The following PIEZO1 variants were observed in gnomAD, a reference collection of about 807,000 sequenced individuals.
The protein encoded by PIEZO1 is piezo-type mechanosensitive ion channel component 1.
In PIEZO1, 296 loss-of-function variants were observed where a neutral mutation model predicts 297.2. The observed-to-expected ratio is 1.00, with a 90% CI of 0.91 to 1.10. PIEZO1 has a LOEUF of 1.10. Ranked by LOEUF, PIEZO1 falls within the 50% of genes least tolerant of loss-of-function variation. The pLI is 0.00. For missense variants in PIEZO1, 5,018 were observed against 3,455.5 expected (o/e 1.45, Z -11.34); for synonymous variants, 2,427 against 1,507.5 (o/e 1.61, Z -14.13).
In PIEZO1 at chr16:88,755,957, G is replaced by A. The variant is rs551620282; in HGVS notation, c.65-6478C>T. Reference sequence around the variant, plus strand: ...CCAGCACAGGGCAGAGCCTCGGAGCGGGGAGGGCGGGGGCCACCCAGGAGC... The same window carrying A: ...CCAGCACAGGGCAGAGCCTCGGAGCAGGGAGGGCGGGGGCCACCCAGGAGC... On this transcript the variant is annotated intron_variant, in intron 1 of 50. Coordinates refer to ENST00000301015, the MANE Select transcript of PIEZO1 (RefSeq NM_001142864.4). 4.6e-5 allele frequency among the ~76,000 whole-genome samples: 7 copies of A among 152,176 alleles called. No individual in the cohort carries two copies. The East Asian group carries it at 7.7e-4, about 17-fold the overall frequency.
chr16:88,770,021 CCT>C (rs1206700072), intron 1 of PIEZO1, among the ~76,000 whole-genome samples: 3 of 152,184 alleles, frequency 2.0e-5, no homozygotes, highest in South Asian at 2.1e-4. Flanking sequence ...CGCCTCTGCC[CCT>C]GAGAGAGGAA....
At chr16:88,778,098 G>A (rs1018560466) in intron 1 of PIEZO1, among the ~76,000 whole-genome samples, 1 of 152,190 alleles carries the variant, frequency 6.6e-6, no homozygotes, top group Admixed American at 6.5e-5. Flanking sequence ...ACACGGGAGG[G>A]AGGGCGGACA....
intron 12 of PIEZO1, 89 bp from the exon 13 acceptor site, chr16:88,735,335 GC>G (rs1905139004): frequency 3.3e-6 from 3 of 914,364 alleles, no homozygotes; most frequent in Non-Finnish European, 5.2e-6. Flanking sequence ...ATAGCAGGGG[GC>G]AAGAGCTCTC....
At chr16:88,719,247 C>A in intron 44 of PIEZO1, 1 of 311,384 alleles carries the variant, frequency 3.2e-6, no homozygotes, top group Non-Finnish European at 6.1e-6. Flanking sequence ...TGGTCTGACG[C>A]ACGAATTCTC....
Position 88,724,985 on chromosome 16 carries a change from C to T in PIEZO1, c.4234+24G>A, listed in dbSNP as rs1400501334. 16 of 1,428,718 alleles carry T rather than the reference C, an allele frequency of 1.1e-5. No individual in the cohort carries two copies. The East Asian group carries it at 3.4e-4, about 31-fold the overall frequency. 88.5% of individuals were successfully genotyped at this position (1,428,718 alleles called of 1,614,324 possible). On this transcript the variant is annotated intron_variant, in intron 30 of 50. Transcript: ENST00000301015. ...GGCACAGAGGGCCTGAGAGGGTGGCCACAGGCGGCCTAATTGGGGGTACCT... is the reference window on the plus strand; with the variant it reads ...GGCACAGAGGGCCTGAGAGGGTGGCTACAGGCGGCCTAATTGGGGGTACCT...
chr16:88,717,601 C>T (rs1346912798), intron 44 of PIEZO1: 1 of 466,118 alleles, frequency 2.1e-6, no homozygotes. Context: ...AGAAAACGGG[C>T]AAATCTTCAT....
intron 1 of PIEZO1, among the ~76,000 whole-genome samples, chr16:88,776,160 C>G (rs1000960066): frequency 6.6e-5 from 10 of 152,214 alleles, no homozygotes; most frequent in Non-Finnish European, 1.2e-4. Context: ...TGAGGCCGGG[C>G]GCGGTGGCTC....
chr16:88,719,531 T>C lies in PIEZO1; in HGVS notation c.6471+43A>G, dbSNP rs56655685. On this transcript the variant is annotated intron_variant, in intron 44 of 50. Coordinates refer to ENST00000301015, the MANE Select transcript of PIEZO1 (RefSeq NM_001142864.4). ...GTGCCTCTGTCTTAGGGAGAGGGCA[T>C]ATCCCTGGCCCTTGTCCCGGCCCCC... The C allele has an allele frequency of 3.0e-4, 461 of 1,516,744 alleles. 1 individual carries two copies. In the African/African-American group the frequency reaches 5.0e-3, roughly 17 times the overall value. 94.0% of individuals were successfully genotyped at this position (1,516,744 alleles called of 1,614,324 possible).
At chr16:88,770,310 C>T (rs1567693859) in intron 1 of PIEZO1, among the ~76,000 whole-genome samples, 1 of 152,186 alleles carries the variant, frequency 6.6e-6, no homozygotes, top group Non-Finnish European at 1.5e-5. Flanking sequence ...CCCCATGACC[C>T]GGTCACACCT....
intron 29 of PIEZO1, 116 bp downstream of exon 29, chr16:88,725,300 G>A (rs143558055): frequency 0.013 from 9,745 of 737,494 alleles, 113 homozygotes; most frequent in Non-Finnish European, 0.017. Flanking sequence ...CATGCGGACA[G>A]GACAGGCGGG....
In PIEZO1 at chr16:88,769,955, G is replaced by A. The variant is rs182647806; in HGVS notation, c.64+14946C>T. Among the ~76,000 whole-genome samples the A allele has an allele frequency of 8.2e-3, 1,243 of 152,306 alleles. 10 individuals carry two copies. The highest frequency in any genetic ancestry group is 0.027 in the South Asian group (129 of 4,834). On this transcript the variant is annotated intron_variant, in intron 1 of 50. Transcript: ENST00000301015. ...CCTTCCAATGCCACATGGCGGGGCA[G>A]CAGGGGGCTCTGAGGCCCTCCTAAC...
chr16:88,744,637 C>G (rs1406920602), intron 2 of PIEZO1, among the ~76,000 whole-genome samples: 1 of 150,582 alleles, frequency 6.6e-6, no homozygotes, highest in Non-Finnish European at 1.5e-5. Flanking sequence ...ACTGCTTCCC[C>G]ATTGTCTTCC....
intron 1 of PIEZO1, among the ~76,000 whole-genome samples, chr16:88,778,243 C>A (rs1230987571): frequency 6.6e-6 from 1 of 152,202 alleles, no homozygotes; most frequent in Non-Finnish European, 1.5e-5. Context: ...GAGAGCCGGC[C>A]TTGTTCTTGA....
intron 44 of PIEZO1, chr16:88,717,616 C>T (rs181153314): frequency 6.1e-5 from 28 of 462,298 alleles, no homozygotes; most frequent in African/African-American, 5.0e-4. Context: ...CTTCATGAAC[C>T]TGGATTTGGC....
intron 1 of PIEZO1, among the ~76,000 whole-genome samples, chr16:88,767,065 C>G (rs78334984): frequency 3.3e-5 from 5 of 152,264 alleles, no homozygotes; most frequent in Non-Finnish European, 7.3e-5. Flanking sequence ...CTACCAAGCA[C>G]AGCTTTCCCA....
chr16:88,742,411 G>A lies in PIEZO1; in HGVS notation c.172C>T (p.Arg58Cys), dbSNP rs778920824. 100 of 1,534,764 alleles carry A rather than the reference G, an allele frequency of 6.5e-5. No homozygotes were observed. Among genetic ancestry groups the A allele is most frequent in the Non-Finnish European group, 7.8e-5 (89 of 1,146,618 alleles). The change falls in exon 3 of 51, where the codon CGC becomes TGC. Residue 58 changes from arginine to cysteine, a missense_variant. Physicochemically the swap from Arg to Cys is radical, Grantham distance 180 (BLOSUM62 -3). Coordinates refer to ENST00000301015, the MANE Select transcript of PIEZO1 (RefSeq NM_001142864.4). ...TRCGLQGHTG[R>C]LLRALLGLSL... ...AGGCCCAGCAATGCCCGCAGGAGGC[G>A]GCCTGTGTGACCTGCGGCAGAGCGA... is the stretch of plus-strand genomic sequence containing the variant.
chr16:88,780,391 T>G (rs1198933652), intron 1 of PIEZO1, among the ~76,000 whole-genome samples: 3 of 134,128 alleles, frequency 2.2e-5, no homozygotes, highest in African/African-American at 5.5e-5. Flanking sequence ...TGGGTGGGGG[T>G]AGGGGAAGGG....
At position 88,733,587 on chromosome 16, in the gene PIEZO1, C is replaced by A; in HGVS notation, c.2487+1G>T. The A allele has an allele frequency of 6.5e-7, 1 of 1,539,914 alleles. No homozygotes were observed. The highest frequency in any genetic ancestry group is 8.8e-7 in the Non-Finnish European group (1 of 1,139,762). ...GAAGCTGAGTTGCCTGCCACACTCA[C>A]CTCCTTCAGGGCCACCCAGACGGTG... is the stretch of plus-strand genomic sequence containing the variant. On this transcript the variant is annotated splice_donor_variant, in intron 18 of 50. Transcript: ENST00000301015. LOFTEE classifies it high-confidence loss of function.
Position 88,725,505 on chromosome 16 carries a change from C to A in PIEZO1, c.4073G>T (p.Arg1358Leu). ...AQLKRQMERI[R>L]AKQEKHRQGR... ...CTGCCTGTGCTTCTCCTGCTTGGCA[C>A]GGATACGCTCCATCCTGTGGTGGGG... The change falls in exon 29 of 51, where the codon CGT becomes CTT. Residue 1358 changes from arginine to leucine, a missense_variant. Physicochemically the swap from Arg to Leu is moderately radical, Grantham distance 102. Transcript: ENST00000301015. 1 of 1,529,226 alleles carries A rather than the reference C, an allele frequency of 6.5e-7. No homozygotes were observed. Among genetic ancestry groups the A allele is most frequent in the South Asian group, 1.2e-5 (1 of 81,458 alleles). 94.7% of individuals were successfully genotyped at this position (1,529,226 alleles called of 1,614,324 possible). A position where few individuals can be genotyped will look rare whatever the true frequency, so the allele number is the denominator to read the frequency against.
Sources: gnomAD v4.1 joint callset for allele counts (sites outside exome capture counted in the v4.1 genomes callset) on GRCh38, gnomAD v4.1.1 for gene constraint, MANE v1.5 for transcripts, NCBI Gene and HGNC (gene_info 2026-07-23, HGNC 2026-07-21) for gene names.